Variants in PLEKHA6 observed in about 807,000 individuals in gnomAD.
PLEKHA6 encodes the protein pleckstrin homology domain-containing family A member 6.
PLEKHA6 carries 60 observed loss-of-function variants against 116.7 expected under a neutral mutation model. The ratio of observed to expected loss-of-function variants is 0.51; its 90% CI spans 0.42 to 0.64. The LOEUF (loss-of-function observed/expected upper bound fraction) is 0.64. Among genes scored for constraint, PLEKHA6 ranks in the 30% least tolerant of loss-of-function variants. PLEKHA6 has a pLI of 0.00. For synonymous variants in PLEKHA6, 489 were observed against 556.1 expected, an observed-to-expected ratio of 0.88 and a Z score of 1.70; for missense variants, 1,338 against 1,422.7, an observed-to-expected ratio of 0.94 and a Z score of 0.96.
chr1:204,279,155 C>T (rs1668333968), intron 1 of PLEKHA6, among the ~76,000 whole-genome samples: 1 of 152,144 alleles, frequency 6.6e-6, no homozygotes, highest in South Asian at 2.1e-4. Context: ...GAGCTTTCTT[C>T]CTCTAGAAGG....
chr1:204,338,948 A>T (rs1252494347), intron 1 of PLEKHA6, among the ~76,000 whole-genome samples: 1 of 152,148 alleles, frequency 6.6e-6, no homozygotes, highest in East Asian at 1.9e-4. Flanking sequence ...AGTGGAGTCA[A>T]TTCCCCACCC....
intron 1 of PLEKHA6, among the ~76,000 whole-genome samples, chr1:204,374,774 C>T (rs921885919): frequency 7.2e-5 from 11 of 152,120 alleles, no homozygotes; most frequent in African/African-American, 1.9e-4. Context: ...CTTCATGTCT[C>T]GCACTCCTCA....
chr1:204,329,234 T>C (rs1003032388), intron 1 of PLEKHA6, among the ~76,000 whole-genome samples: 1 of 152,196 alleles, frequency 6.6e-6, no homozygotes, highest in Admixed American at 6.5e-5. Context: ...CCTCCATCAG[T>C]ACGAAGACTT....
chr1:204,330,242 G>GC (rs1292414707), intron 1 of PLEKHA6, among the ~76,000 whole-genome samples: 1 of 152,120 alleles, frequency 6.6e-6, no homozygotes, highest in Non-Finnish European at 1.5e-5. Flanking sequence ...CAGATGATCT[G>GC]CCCGCCTTGA....
chr1:204,356,762 T>C (rs1195536370), intron 1 of PLEKHA6, among the ~76,000 whole-genome samples: 2 of 152,168 alleles, frequency 1.3e-5, no homozygotes, highest in Non-Finnish European at 2.9e-5. Context: ...ATTAAAATTA[T>C]ATATCAAACC....
At chr1:204,336,889 G>C (rs1672667130) in intron 1 of PLEKHA6, among the ~76,000 whole-genome samples, 1 of 152,192 alleles carries the variant, frequency 6.6e-6, no homozygotes, top group Non-Finnish European at 1.5e-5. Context: ...GGTCTAAAGA[G>C]GCCTCCTCCA....
At chr1:204,328,054 ATTTATTT>A (rs1672308219) in intron 1 of PLEKHA6, among the ~76,000 whole-genome samples, 1 of 26,608 alleles carries the variant, frequency 3.8e-5, no homozygotes, top group Admixed American at 5.0e-4. Flanking sequence ...TATTTTATTT[ATTTATTT>A]ATTTATTTAT....
At chr1:204,241,560 C>A (rs888910598) in intron 16 of PLEKHA6, 79 bp from the exon 17 acceptor site, 2 of 1,393,816 alleles carry the variant, frequency 1.4e-6, no homozygotes, top group Non-Finnish European at 1.9e-6. Context: ...ACAATCTCAG[C>A]CCCACTCTCC....
At chr1:204,295,510 CA>C (rs887220123) in intron 1 of PLEKHA6, among the ~76,000 whole-genome samples, 45 of 144,924 alleles carry the variant, frequency 3.1e-4, no homozygotes, top group Middle Eastern at 3.6e-3. Context: ...AAACAAACAA[CA>C]AAAAAAAAAT....
At chr1:204,304,933 T>C (rs181209663) in intron 1 of PLEKHA6, among the ~76,000 whole-genome samples, 3 of 152,316 alleles carry the variant, frequency 2.0e-5, no homozygotes, top group Non-Finnish European at 4.4e-5. Context: ...ATAAAGCAGG[T>C]GTCCAGTGAG....
rs1303805711 is a variant in PLEKHA6, at chr1:204,277,418, A to G, written c.-94-2609T>C. On this transcript the variant is annotated intron_variant, in intron 1 of 22. Coordinates refer to ENST00000272203, the MANE Select transcript of PLEKHA6 (RefSeq NM_014935.5). The surrounding 1 kb of genome is among the most constrained non-coding windows in gnomAD (Gnocchi z 4.1). Reference sequence around the variant, plus strand: ...TACACGGAGCAGGTGTAGCACTCCCAGGTAGTCCGACCTCAGTGAGCTAAG... The same window carrying G: ...TACACGGAGCAGGTGTAGCACTCCCGGGTAGTCCGACCTCAGTGAGCTAAG... 6.6e-6 allele frequency among the ~76,000 whole-genome samples: 1 copy of G among 152,112 alleles called. No homozygotes were observed. Among genetic ancestry groups the G allele is most frequent in the East Asian group, 1.9e-4 (1 of 5,194 alleles).
intron 5 of PLEKHA6, among the ~76,000 whole-genome samples, chr1:204,265,647 A>T (rs552644306): frequency 6.6e-6 from 1 of 152,340 alleles, no homozygotes; most frequent in Middle Eastern, 3.4e-3. Context: ...GATGGGATAG[A>T]TCATTGTAGA....
At chr1:204,254,556 G>A (rs1665024665) in intron 9 of PLEKHA6, among the ~76,000 whole-genome samples, 1 of 152,144 alleles carries the variant, frequency 6.6e-6, no homozygotes, top group Non-Finnish European at 1.5e-5. Flanking sequence ...GAAGCTTGGA[G>A]TCACTGTCCA....
At position 204,365,787 on chromosome 1, in the gene PLEKHA6, G is replaced by A. The variant is rs1174160695; in HGVS notation, c.218+2012C>T. ...CTCCCAGGACTTACACAGCAGTGGG[G>A]GGACCAGAAATACATAACCAAACAG... On this transcript the variant is annotated intron_variant, in intron 3 of 4. Coordinates refer to the PLEKHA6 transcript ENST00000564627. Among the ~76,000 whole-genome samples the A allele has an allele frequency of 3.3e-5, 5 of 152,184 alleles. No individual in the cohort carries two copies. The South Asian group carries it at 1.0e-3, about 32-fold the overall frequency.
intron 1 of PLEKHA6, among the ~76,000 whole-genome samples, chr1:204,334,323 G>C (rs1173512847): frequency 1.3e-5 from 2 of 152,140 alleles, no homozygotes; most frequent in Non-Finnish European, 2.9e-5. Flanking sequence ...TCAAATCTTT[G>C]TCCTAAGAGA....
chr1:204,241,321 G>A, intron 17 of PLEKHA6, 54 bp downstream of exon 17: 2 of 1,093,414 alleles, frequency 1.8e-6, no homozygotes, highest in Admixed American at 1.9e-5. Context: ...ACACACACAG[G>A]CCCCTGGGCT....
rs75183750 is a variant in PLEKHA6 at position 204,279,559 on chromosome 1, T to C, written c.-94-4750A>G. Among the ~76,000 whole-genome samples the C allele has an allele frequency of 4.9e-3, 748 of 152,324 alleles. 7 individuals are homozygous for C. Among genetic ancestry groups the C allele is most frequent in the African/African-American group, 0.017 (703 of 41,570 alleles). On this transcript the variant is annotated intron_variant, in intron 1 of 22. Transcript: ENST00000272203. Reference sequence around the variant, plus strand: ...TCAAGGACAAATGATTATGAATCCATGAATACATACCCAAATGGACCTTTC... The same window carrying C: ...TCAAGGACAAATGATTATGAATCCACGAATACATACCCAAATGGACCTTTC...
chr1:204,224,455 C>T (rs538767498), intron 21 of PLEKHA6, among the ~76,000 whole-genome samples: 22 of 152,054 alleles, frequency 1.4e-4, no homozygotes, highest in Middle Eastern at 3.4e-3. Context: ...GCATTTCCAC[C>T]GAGAGAGGGG....
At chr1:204,287,850 T>C (rs908668465) in intron 1 of PLEKHA6, among the ~76,000 whole-genome samples, 8 of 152,220 alleles carry the variant, frequency 5.3e-5, no homozygotes, top group Non-Finnish European at 1.0e-4. Flanking sequence ...AAAACCATTG[T>C]CTTGACATCA....
Sources: gnomAD v4.1 joint callset for allele counts (sites outside exome capture counted in the v4.1 genomes callset) on GRCh38, gnomAD v4.1.1 for gene constraint, Gnocchi (gnomAD v3.1) non-coding constraint, MANE v1.5 for transcripts, NCBI Gene and HGNC (gene_info 2026-07-23, HGNC 2026-07-21) for gene names.